The following ANKRD45 variants were observed in gnomAD, a reference collection of about 807,000 sequenced individuals.
ANKRD45 encodes ankyrin repeat domain-containing protein 45.
Under a neutral mutation model 28.1 loss-of-function variants are expected in ANKRD45, and 21 were observed. The ratio of observed to expected loss-of-function variants is 0.75; its 90% CI spans 0.53 to 1.08. ANKRD45 has a LOEUF of 1.08. Ranked by LOEUF, ANKRD45 falls within the 50% of genes least tolerant of loss-of-function variation. ANKRD45 has a pLI of 0.00. For synonymous variants in ANKRD45, 86 were observed against 103.9 expected (o/e 0.83, Z 1.05); for missense variants, 261 against 308.7 (o/e 0.85, Z 1.16).
the ANKRD45 span, among the ~76,000 whole-genome samples, chr1:173,682,380 C>T: frequency 6.6e-6 from 1 of 152,020 alleles, no homozygotes; most frequent in South Asian, 2.1e-4. Flanking sequence ...TAACATAATA[C>T]AAAAGCAAGC....
chr1:173,651,835 G>A (rs1361176254), intron 2 of ANKRD45, among the ~76,000 whole-genome samples: 3 of 152,062 alleles, frequency 2.0e-5, no homozygotes, highest in Non-Finnish European at 2.9e-5. Context: ...GGATTCCTAC[G>A]TATTTTATTC....
At chr1:173,691,864 G>A in the ANKRD45 span, among the ~76,000 whole-genome samples, 1 of 152,214 alleles carries the variant, frequency 6.6e-6, no homozygotes, top group African/African-American at 2.4e-5. Context: ...GGACAAGGGA[G>A]GGGAAGGAGT....
At position 173,658,852 on chromosome 1, in the gene ANKRD45, G is replaced by A. The variant is rs572552840; in HGVS notation, c.328+239C>T. 5.4e-4 allele frequency: 242 copies of A among 444,962 alleles called. 3 individuals are homozygous for A. Among genetic ancestry groups the A allele is most frequent in the Middle Eastern group, 6.4e-4 (1 of 1,552 alleles). The allele number at this position is 444,962 out of a possible 1,614,324, so 27.6% of individuals were successfully genotyped here. A position where few individuals can be genotyped will look rare whatever the true frequency, so the allele number is the denominator to read the frequency against. On this transcript the variant is annotated intron_variant, in intron 2 of 5. Transcript: ENST00000333279. ...GAAAAACAGATACACAAAAAGATCA[G>A]GTAACTTGCCAAGTCACACAGCTAA...
At chr1:173,662,757 C>T (rs1345048084) in intron 1 of ANKRD45, among the ~76,000 whole-genome samples, 3 of 152,158 alleles carry the variant, frequency 2.0e-5, no homozygotes, top group Non-Finnish European at 1.5e-5. Flanking sequence ...TCCCAACAAA[C>T]TTCCAGTTAT....
chr1:173,652,323 C>G (rs1007213482), intron 2 of ANKRD45, among the ~76,000 whole-genome samples: 1 of 152,244 alleles, frequency 6.6e-6, no homozygotes, highest in Admixed American at 6.5e-5. Context: ...TGAATTTTGT[C>G]AAAGGCCTTT....
chr1:173,676,787 A>G, the ANKRD45 span, among the ~76,000 whole-genome samples: 201 of 150,700 alleles, frequency 1.3e-3, 1 homozygote, highest in Middle Eastern at 3.4e-3. Context: ...AATTCATATT[A>G]GAATTATAGG....
At chr1:173,650,819 G>A (rs1024359610) in intron 2 of ANKRD45, among the ~76,000 whole-genome samples, 1 of 152,080 alleles carries the variant, frequency 6.6e-6, no homozygotes. Context: ...CTCATTGTGG[G>A]TTTGATTTGC....
chr1:173,708,667 C>A, the ANKRD45 span, among the ~76,000 whole-genome samples: 1 of 152,210 alleles, frequency 6.6e-6, no homozygotes, highest in Non-Finnish European at 1.5e-5. Context: ...ATTGAGTCAA[C>A]TTATCCAATA....
chr1:173,671,769 C>T (rs186939417), upstream of ANKRD45, among the ~76,000 whole-genome samples: 14 of 151,758 alleles, frequency 9.2e-5, no homozygotes, highest in East Asian at 2.7e-3. Flanking sequence ...GTAGTCCCAG[C>T]TCCTTGGGAG....
chr1:173,612,319 A>AAGGAAAGAAGGAAG (rs1667197555), intron 5 of ANKRD45, among the ~76,000 whole-genome samples: 1 of 130,328 alleles, frequency 7.7e-6, no homozygotes, highest in East Asian at 2.4e-4. Context: ...AAGGAAGGAA[A>AAGGAAAGAAGGAAG]GAAGGAAGGA....
intron 3 of ANKRD45, among the ~76,000 whole-genome samples, chr1:173,642,057 C>G (rs1221146679): frequency 2.0e-5 from 3 of 152,086 alleles, no homozygotes. Flanking sequence ...CAATGTTGTA[C>G]CTTTATTCCT....
At chr1:173,613,320 G>A (rs1667273909) in intron 5 of ANKRD45, among the ~76,000 whole-genome samples, 2 of 150,792 alleles carry the variant, frequency 1.3e-5, no homozygotes, top group South Asian at 2.1e-4. Context: ...ACCAGCAGCC[G>A]CCCCGTCTGA....
chr1:173,684,169 G>A, the ANKRD45 span, among the ~76,000 whole-genome samples: 7 of 152,244 alleles, frequency 4.6e-5, no homozygotes, highest in South Asian at 4.2e-4. Context: ...TAGGTAATCA[G>A]AATGAGACAG....
At chr1:173,709,857 T>C in the ANKRD45 span, among the ~76,000 whole-genome samples, 1 of 152,278 alleles carries the variant, frequency 6.6e-6, no homozygotes, top group African/African-American at 2.4e-5. Flanking sequence ...GTTTCAAACT[T>C]CTGGGCTCAA....
chr1:173,657,267 G>A, intron 2 of ANKRD45: 1 of 233,754 alleles, frequency 4.3e-6, no homozygotes, highest in South Asian at 3.8e-5. Flanking sequence ...AGGATTTTGA[G>A]ACCAGCCTGG....
At chr1:173,697,795 G>A in the ANKRD45 span, among the ~76,000 whole-genome samples, 1 of 152,126 alleles carries the variant, frequency 6.6e-6, no homozygotes, top group Non-Finnish European at 1.5e-5. Flanking sequence ...ATAATGACAG[G>A]ATCAAATTCA....
the ANKRD45 span, among the ~76,000 whole-genome samples, chr1:173,696,952 C>G: frequency 1.3e-5 from 2 of 152,040 alleles, no homozygotes; most frequent in Admixed American, 1.3e-4. Context: ...CTAGAATAAA[C>G]AGTGTAGAGA....
chr1:173,623,405 T>C (rs1184830947), intron 5 of ANKRD45, among the ~76,000 whole-genome samples: 2 of 151,278 alleles, frequency 1.3e-5, no homozygotes, highest in Non-Finnish European at 1.5e-5. Context: ...AAAAATACAA[T>C]GACACACCAT....
intron 5 of ANKRD45, 36 bp from the exon 6 acceptor site, chr1:173,610,251 A>C: frequency 6.3e-7 from 1 of 1,584,352 alleles, no homozygotes; most frequent in Admixed American, 1.7e-5. Flanking sequence ...ACATTTAATT[A>C]GTTTGCAATA....
Sources: allele counts gnomAD v4.1 joint callset (sites outside exome capture counted in the v4.1 genomes callset), GRCh38; gene constraint gnomAD v4.1.1; transcripts MANE v1.5; gene names NCBI Gene and HGNC (gene_info 2026-07-23, HGNC 2026-07-21).